Variants in RAB11FIP5 observed in about 807,000 individuals in gnomAD.
RAB11FIP5 encodes rab11 family-interacting protein 5.
A neutral mutation model predicts 85.1 loss-of-function variants in RAB11FIP5; 48 were observed. The observed-to-expected ratio is 0.56, with a 90% CI of 0.45 to 0.72. The LOEUF (loss-of-function observed/expected upper bound fraction) is 0.72. RAB11FIP5 is among the 30% of genes least tolerant of loss of function. The pLI, the probability that RAB11FIP5 is intolerant of heterozygous loss-of-function variation, is 0.00. For missense variants in RAB11FIP5, 1,491 were observed against 1,687.0 expected (o/e 0.88, Z 2.04); for synonymous variants, 729 against 727.3 (o/e 1.00, Z -0.04).
rs1173684008 is a variant in RAB11FIP5 at position 73,076,157 on chromosome 2, C to T, written c.3607G>A (p.Ala1203Thr). 6.2e-7 allele frequency: 1 copy of T among 1,612,144 alleles called. No individual in the cohort carries two copies. Among genetic ancestry groups the T allele is most frequent in the South Asian group, 1.1e-5 (1 of 91,048 alleles). Residue 1203 changes from alanine to threonine, a missense_variant, in exon 5 of 6, where the codon GCC becomes ACC. Ala to Thr is a moderately conservative substitution (Grantham distance 58). Coordinates refer to ENST00000486777, the MANE Select transcript of RAB11FIP5 (RefSeq NM_001371272.1). ...TCGGGGCTGCCCTCCACAGGGGCGGCACTGAGGGGCTTCACGGGGTGGGGA... is the reference window on the plus strand; with the variant it reads ...TCGGGGCTGCCCTCCACAGGGGCGGTACTGAGGGGCTTCACGGGGTGGGGA... ...ASPHPVKPLS[A>T]APVEGSPDRK...
At chr2:73,112,172 T>C (rs1213221870) in intron 1 of RAB11FIP5, among the ~76,000 whole-genome samples, 175 bp downstream of exon 1, 1 of 152,172 alleles carries the variant, frequency 6.6e-6, no homozygotes, top group African/African-American at 2.4e-5. Context: ...CAGCGCACGT[T>C]TGGGAAGCTT....
At position 73,088,627 on chromosome 2, in the gene RAB11FIP5, C is replaced by T. The variant is rs146801309; in HGVS notation, c.991G>A (p.Ala331Thr). Reference sequence around the variant, plus strand: ...TTGACACAGAGCGAAGAGCGGGAGGCAGCATCCAGGTGGCCCTGAAGGTCC... The same window carrying T: ...TTGACACAGAGCGAAGAGCGGGAGGTAGCATCCAGGTGGCCCTGAAGGTCC... The part of the protein sequence containing the change: ...LLDLQGHLDA[A>T]SRSSLCVNGS... The change falls in exon 3 of 6, where the codon GCC becomes ACC. Residue 331 changes from alanine to threonine, a missense_variant. Coordinates refer to ENST00000486777, the MANE Select transcript of RAB11FIP5 (RefSeq NM_001371272.1). 6.2e-7 allele frequency: 1 copy of T among 1,613,234 alleles called. No homozygotes were observed. The highest frequency in any genetic ancestry group is 1.3e-5 in the African/African-American group (1 of 74,950).
At position 73,112,645 on chromosome 2, in the gene RAB11FIP5, A is replaced by G; in HGVS notation, c.133T>C (p.Tyr45His). The change falls in exon 1 of 6, where the codon TAC (tyrosine) becomes CAC (histidine). Residue 45 changes from tyrosine (Y) to histidine (H), a missense_variant. Coordinates refer to ENST00000486777, the MANE Select transcript of RAB11FIP5 (RefSeq NM_001371272.1). ...TCGCGGCCCACCTGGATCACCGTGT[A>G]CGCGTCGCTGGTGCTGCCCGCTCCC... ...SSGAGSTSDA[Y>H]TVIQVGREKY... 1.2e-6 allele frequency: 2 copies of G among 1,600,206 alleles called. No homozygotes were observed. Among genetic ancestry groups the G allele is most frequent in the Admixed American group, 1.7e-5 (1 of 58,924 alleles).
Position 73,075,882 on chromosome 2 carries a change from A to T in RAB11FIP5, c.3771+111T>A. The T allele has an allele frequency of 6.9e-7, 1 of 1,457,016 alleles. No homozygotes were observed. Among genetic ancestry groups the T allele is most frequent in the Non-Finnish European group, 9.4e-7 (1 of 1,069,286 alleles). 90.3% of individuals were successfully genotyped at this position (1,457,016 alleles called of 1,614,324 possible). ...AAGTCAGAGCCTAACTGGCTTCAGG[A>T]CTCTGATATGGGGGACCTGGCCTGC... On this transcript the variant is annotated intron_variant, in intron 5 of 5. Coordinates refer to ENST00000486777, the MANE Select transcript of RAB11FIP5 (RefSeq NM_001371272.1). This position sits in a 1 kb window ranked among gnomAD's most constrained non-coding sequence, Gnocchi z 4.6.
Position 73,080,664 on chromosome 2 carries a change from A to C in RAB11FIP5, c.2568T>G (p.Asp856Glu). 8.1e-7 allele frequency: 1 copy of C among 1,232,420 alleles called. No homozygotes were observed. Among genetic ancestry groups the C allele is most frequent in the East Asian group, 3.2e-5 (1 of 31,686 alleles). 76.3% of individuals were successfully genotyped at this position (1,232,420 alleles called of 1,614,324 possible). The change falls in exon 4 of 6, where the codon GAT becomes GAG. Residue 856 changes from aspartate (D) to glutamate (E), a missense_variant. Physicochemically the swap from Asp to Glu is conservative, Grantham distance 45. This residue lies in a region of RAB11FIP5 where 1,211 missense variants were observed against 1,338.0 expected (regional missense o/e 0.91). Transcript: ENST00000486777. ...CAGGCTGCACCTGGGGAGCAGGCTC[A>C]TCAGACTCTCCCCGAAAGACTAGTG... The part of the protein sequence containing the change: ...TASLVFRGES[D>E]EPAPQVQPES...
At position 73,089,343 on chromosome 2, in the gene RAB11FIP5, T is replaced by G. The variant is rs753061929; in HGVS notation, c.432-28A>C. Reference sequence around the variant, plus strand: ...GTGAGAAGAGGGGAGCAGGCAGAACTCAGTCACGGGCCCAGGGAGCCTGGC... The same window carrying G: ...GTGAGAAGAGGGGAGCAGGCAGAACGCAGTCACGGGCCCAGGGAGCCTGGC... On this transcript the variant is annotated intron_variant, in intron 1 of 5. Transcript: ENST00000486777. This position sits in a 1 kb window ranked among gnomAD's most constrained non-coding sequence, Gnocchi z 4.6. 8 of 1,608,470 alleles carry G rather than the reference T, an allele frequency of 5.0e-6. No homozygotes were observed. Among genetic ancestry groups the G allele is most frequent in the Non-Finnish European group, 6.8e-6 (8 of 1,178,876 alleles).
intron 1 of RAB11FIP5, among the ~76,000 whole-genome samples, chr2:73,090,106 G>A (rs150659122): frequency 6.6e-6 from 1 of 152,312 alleles, no homozygotes; most frequent in Non-Finnish European, 1.5e-5. Flanking sequence ...AAAAGCATAT[G>A]AGGTAAGAGG....
rs1170149151 is a variant in RAB11FIP5 at position 73,088,480 on chromosome 2, G to A, written c.1138C>T (p.Pro380Ser). 1.9e-6 allele frequency: 3 copies of A among 1,613,872 alleles called. No individual in the cohort carries two copies. The highest frequency in any genetic ancestry group is 3.3e-5 in the Admixed American group (2 of 60,012). The stretch of plus-strand genomic sequence containing the variant: ...GGCCAGGTGTCATCTGTGGAACGAG[G>A]CCCCTCCTCGGAGAACCGGGAAGAG... ...AVSSRFSEEG[P>S]RSTDDTWPRG... The change falls in exon 3 of 6, where the codon CCT becomes TCT. Residue 380 changes from proline (P) to serine (S), a missense_variant. Around this residue, in one of 3 missense-constraint regions of RAB11FIP5, gnomAD observed 1,211 missense variants for 1,338.0 expected, o/e 0.91. Transcript: ENST00000486777.
rs942691163 is a variant in RAB11FIP5, at chr2:73,081,687, A to T, written c.1569-24T>A. 1 of 1,231,590 alleles carries T rather than the reference A, an allele frequency of 8.1e-7. No homozygotes were observed. Among genetic ancestry groups the T allele is most frequent in the Non-Finnish European group, 1.0e-6 (1 of 987,626 alleles). 76.3% of individuals were successfully genotyped at this position (1,231,590 alleles called of 1,614,324 possible). ...GGCTGTGGAGGGAGACAAAACCGTG[A>T]GCCTCCTGGTTAATGCCAAGACTGG... On this transcript the variant is annotated intron_variant, in intron 3 of 5. Transcript: ENST00000486777. The surrounding 1 kb of genome is among the most constrained non-coding windows in gnomAD (Gnocchi z 4.2).
chr2:73,075,706 G>C lies in RAB11FIP5; in HGVS notation c.3790C>G (p.Gln1264Glu). The C allele has an allele frequency of 6.2e-7, 1 of 1,608,544 alleles. No homozygotes were observed. Among genetic ancestry groups the C allele is most frequent in the Non-Finnish European group, 8.5e-7 (1 of 1,177,118 alleles). ...KRLKDSAVLD[Q>E]SAKYYHLTHD... is the part of the protein sequence containing the mutation. ...GTCAGGTGGTAGTACTTGGCCGACT[G>C]GTCCAGCACAGCTGAGTCCTGAGGC... is the stretch of plus-strand genomic sequence containing the variant. Residue 1264 changes from glutamine to glutamate, a missense_variant, in exon 6 of 6, where the codon CAG (glutamine) becomes GAG (glutamate). Gln to Glu is a conservative substitution (Grantham distance 29). This residue lies in a region of RAB11FIP5 where 232 missense variants were observed against 259.1 expected (regional missense o/e 0.90). Coordinates refer to ENST00000486777, the MANE Select transcript of RAB11FIP5 (RefSeq NM_001371272.1). The surrounding 1 kb of genome is among the most constrained non-coding windows in gnomAD (Gnocchi z 4.6).
Position 73,074,375 on chromosome 2 carries a change from T to C in RAB11FIP5, c.*1146A>G, listed in dbSNP as rs1415620735. 6.6e-6 allele frequency: 1 copy of C among 152,470 alleles called. No individual in the cohort carries two copies. Among genetic ancestry groups the C allele is most frequent in the African/African-American group, 2.4e-5 (1 of 41,434 alleles). The allele number at this position is 152,470 out of a possible 1,614,324, so 9.4% of individuals were successfully genotyped here. On this transcript the variant is annotated 3_prime_UTR_variant, in exon 6 of 6. Transcript: ENST00000486777. ...CTGCCCGCCTGCCCAGCAGTGTTTA[T>C]CCTGGGATCCTCCTATTGGGGTTGA...
chr2:73,091,051 A>G (rs190507131), intron 1 of RAB11FIP5, among the ~76,000 whole-genome samples: 6 of 152,340 alleles, frequency 3.9e-5, no homozygotes, highest in Non-Finnish European at 8.8e-5. Context: ...TGCTCTGAAA[A>G]ATAGACTTTA....
rs1046186 is a variant in RAB11FIP5 at position 73,074,559 on chromosome 2, G to A, written c.*962C>T. 49,054 of 154,204 alleles carry A rather than the reference G, an allele frequency of 0.32. 9,312 individuals carry two copies. The highest frequency in any genetic ancestry group is 0.56 in the East Asian group (2,866 of 5,162). The allele number at this position is 154,204 out of a possible 1,614,324, so 9.6% of individuals were successfully genotyped here. On this transcript the variant is annotated 3_prime_UTR_variant, in exon 6 of 6. Coordinates refer to ENST00000486777, the MANE Select transcript of RAB11FIP5 (RefSeq NM_001371272.1). ...TGTATTCAACAGGTGGGAGGGGGAC[G>A]CCACACAGCGGGAGAGGTCGACATC...
At chr2:73,079,360 C>T (rs1683922315) in intron 4 of RAB11FIP5, among the ~76,000 whole-genome samples, 1 of 152,204 alleles carries the variant, frequency 6.6e-6, no homozygotes, top group Admixed American at 6.5e-5. Context: ...CCCACATCGG[C>T]TCTCCCCACT....
intron 3 of RAB11FIP5, among the ~76,000 whole-genome samples, chr2:73,083,063 C>T (rs955086527): frequency 6.6e-6 from 1 of 152,254 alleles, no homozygotes; most frequent in Non-Finnish European, 1.5e-5. Flanking sequence ...GAAACCCCTA[C>T]ACATCCGACT....
Position 73,088,269 on chromosome 2 carries a change from T to C in RAB11FIP5, c.1349A>G (p.Lys450Arg), listed in dbSNP as rs1368981736. ...IVASSEAVAE[K>R]EGARKEERKP... Reference sequence around the variant, plus strand: ...GCGTTCCTCCTTCCGGGCTCCCTCCTTCTCTGCCACAGCCTCAGAGGAGGC... The same window carrying C: ...GCGTTCCTCCTTCCGGGCTCCCTCCCTCTCTGCCACAGCCTCAGAGGAGGC... The change falls in exon 3 of 6, where the codon AAG becomes AGG. Residue 450 changes from lysine (K) to arginine (R), a missense_variant. Around this residue, in one of 3 missense-constraint regions of RAB11FIP5, gnomAD observed 1,211 missense variants for 1,338.0 expected, o/e 0.91. Coordinates refer to ENST00000486777, the MANE Select transcript of RAB11FIP5 (RefSeq NM_001371272.1). 1 of 1,612,320 alleles carries C rather than the reference T, an allele frequency of 6.2e-7. No individual in the cohort carries two copies. The highest frequency in any genetic ancestry group is 1.1e-5 in the South Asian group (1 of 91,086).
In RAB11FIP5 at chr2:73,080,654, G is replaced by A; in HGVS notation, c.2578C>T (p.Pro860Ser). Reference protein sequence around the residue: ...VFRGESDEPAPQVQPESPETV... With the variant: ...VFRGESDEPASQVQPESPETV... ...TCTGGTGATTCAGGCTGCACCTGGG[G>A]AGCAGGCTCATCAGACTCTCCCCGA... Residue 860 changes from proline to serine, a missense_variant, in exon 4 of 6, where the codon CCC becomes TCC. Transcript: ENST00000486777. 2.4e-6 allele frequency: 3 copies of A among 1,232,396 alleles called. No individual in the cohort carries two copies. The highest frequency in any genetic ancestry group is 2.0e-6 in the Non-Finnish European group (2 of 988,044). The allele number at this position is 1,232,396 out of a possible 1,614,324, so 76.3% of individuals were successfully genotyped here.
Position 73,112,385 on chromosome 2 carries a change from C to A in RAB11FIP5, c.393G>T (p.Leu131=). 6.2e-7 allele frequency: 1 copy of A among 1,600,994 alleles called. No individual in the cohort carries two copies. Among genetic ancestry groups the A allele is most frequent in the African/African-American group, 1.4e-5 (1 of 73,896 alleles). ...DKFLGQATVA[L]DEVFGAGRAQ... The stretch of plus-strand genomic sequence containing the variant: ...CGCGGCCTGCGCCGAAGACCTCGTC[C>A]AGCGCCACCGTGGCCTGGCCCAGGA... The change falls in exon 1 of 6, where the codon CTG becomes CTT. Residue 131 remains leucine, a synonymous_variant. Transcript: ENST00000486777.
At chr2:73,093,701 T>C (rs976218431) in intron 1 of RAB11FIP5, among the ~76,000 whole-genome samples, 13 of 152,216 alleles carry the variant, frequency 8.5e-5, no homozygotes, top group Non-Finnish European at 1.3e-4. Context: ...CCAAGCCTGG[T>C]TGGCAAAACC....
Sources: gnomAD v4.1 joint callset for allele counts (sites outside exome capture counted in the v4.1 genomes callset) on GRCh38, gnomAD v4.1.1 for gene constraint, gnomAD v4.1.1 regional missense constraint, Gnocchi (gnomAD v3.1) non-coding constraint, MANE v1.5 for transcripts, NCBI Gene and HGNC (gene_info 2026-07-23, HGNC 2026-07-21) for gene names.